The following TRPC4 variants were observed in gnomAD, a reference collection of about 807,000 sequenced individuals.
TRPC4 encodes the protein transient receptor potential cation channel subfamily C member 4.
TRPC4 carries 49 observed loss-of-function variants against 99.4 expected under a neutral mutation model. The observed-to-expected ratio is 0.49, with a 90% CI of 0.39 to 0.63. The LOEUF (loss-of-function observed/expected upper bound fraction) is 0.63, where lower values mean the gene tolerates loss of function less well. TRPC4 is among the 20% of genes least tolerant of loss of function. The pLI, the probability that TRPC4 is intolerant of heterozygous loss-of-function variation, is 0.00. For missense variants in TRPC4, 898 were observed against 1,152.9 expected (o/e 0.78, Z 3.20); for synonymous variants, 454 against 425.9 (o/e 1.07, Z -0.81).
chr13:37,652,936 C>T (rs1014712752), intron 7 of TRPC4, among the ~76,000 whole-genome samples: 4 of 152,084 alleles, frequency 2.6e-5, no homozygotes, highest in African/African-American at 7.2e-5. Context: ...AGATAAAAAG[C>T]TCTAAGCTGG....
At chr13:37,675,293 A>G (rs1953008009) in intron 4 of TRPC4, among the ~76,000 whole-genome samples, 1 of 152,142 alleles carries the variant, frequency 6.6e-6, no homozygotes, top group Non-Finnish European at 1.5e-5. Flanking sequence ...GAGACGAGAA[A>G]TCAAGGAATC....
intron 2 of TRPC4, among the ~76,000 whole-genome samples, chr13:37,779,549 C>T (rs1221228918): frequency 6.6e-6 from 1 of 151,864 alleles, no homozygotes; most frequent in East Asian, 1.9e-4. Context: ...TCATTACATG[C>T]TGCATTGAGA....
intron 1 of TRPC4, among the ~76,000 whole-genome samples, chr13:37,801,762 A>G (rs531785027): frequency 6.6e-6 from 1 of 151,826 alleles, no homozygotes; most frequent in East Asian, 1.9e-4. Context: ...CATCAATACT[A>G]AAGTAAGGAT....
chr13:37,753,139 A>G (rs542160287), intron 2 of TRPC4, among the ~76,000 whole-genome samples: 11 of 152,244 alleles, frequency 7.2e-5, no homozygotes, highest in African/African-American at 2.6e-4. Context: ...AGGTGTTTAT[A>G]TTTACACTGG....
intron 3 of TRPC4, among the ~76,000 whole-genome samples, chr13:37,721,629 T>C (rs1954872036): frequency 6.6e-6 from 1 of 152,180 alleles, no homozygotes; most frequent in Non-Finnish European, 1.5e-5. Context: ...AAACTAAATG[T>C]TCGAAGATTG....
At chr13:37,667,937 C>T (rs1448778510) in intron 5 of TRPC4, among the ~76,000 whole-genome samples, 1 of 152,154 alleles carries the variant, frequency 6.6e-6, no homozygotes, top group South Asian at 2.1e-4. Context: ...ATGAGTGTGC[C>T]TGCTCTGTGT....
chr13:37,763,469 A>T (rs564551416), intron 2 of TRPC4, among the ~76,000 whole-genome samples: 21 of 151,674 alleles, frequency 1.4e-4, no homozygotes, highest in African/African-American at 5.1e-4. Flanking sequence ...ATAGAAAAAA[A>T]ATGAATGAAT....
rs1356641510 is a variant in TRPC4 at position 37,692,797 on chromosome 13, A to C, written c.898-462T>G. 5.3e-5 allele frequency among the ~76,000 whole-genome samples: 8 copies of C among 152,318 alleles called. No homozygotes were observed. In the East Asian group the frequency reaches 1.5e-3, roughly 29 times the overall value. Reference sequence around the variant, plus strand: ...TGTACTTTTAACAATTTTCTATAATAGATATTTATTACTTTCATCATCAGG... The same window carrying C: ...TGTACTTTTAACAATTTTCTATAATCGATATTTATTACTTTCATCATCAGG... On this transcript the variant is annotated intron_variant, in intron 3 of 10. Coordinates refer to ENST00000379705, the MANE Select transcript of TRPC4 (RefSeq NM_016179.4).
intron 1 of TRPC4, among the ~76,000 whole-genome samples, chr13:37,862,076 G>A (rs1002782398): frequency 6.6e-6 from 1 of 151,366 alleles, no homozygotes. Context: ...GTAGACAGAG[G>A]AGCCCACAAG....
At chr13:37,655,809 A>G (rs1212628305) in intron 6 of TRPC4, among the ~76,000 whole-genome samples, 1 of 152,150 alleles carries the variant, frequency 6.6e-6, no homozygotes, top group Non-Finnish European at 1.5e-5. Flanking sequence ...AATATTTACT[A>G]TCTGCTCCTT....
chr13:37,638,767 A>G (rs1036839795), intron 10 of TRPC4, among the ~76,000 whole-genome samples: 1 of 152,218 alleles, frequency 6.6e-6, no homozygotes, highest in Admixed American at 6.5e-5. Context: ...GAAATTTCAG[A>G]AACAGAAGCT....
chr13:37,851,970 A>G (rs960715728), intron 1 of TRPC4, among the ~76,000 whole-genome samples: 3 of 152,206 alleles, frequency 2.0e-5, no homozygotes, highest in Non-Finnish European at 2.9e-5. Context: ...GGAATTGCCT[A>G]TCCCAGTGGT....
chr13:37,826,907 C>T (rs925905026), intron 1 of TRPC4, among the ~76,000 whole-genome samples: 1 of 152,152 alleles, frequency 6.6e-6, no homozygotes, highest in African/African-American at 2.4e-5. Flanking sequence ...CTTTCAGGTA[C>T]ACCAATCAGA....
intron 10 of TRPC4, 73 bp downstream of exon 10, chr13:37,638,967 G>A: frequency 1.3e-6 from 2 of 1,502,010 alleles, no homozygotes; most frequent in Non-Finnish European, 1.8e-6. Context: ...TTCCAGCTCT[G>A]ATTTTAAATG....
intron 3 of TRPC4, among the ~76,000 whole-genome samples, chr13:37,740,295 C>G (rs1955541527): frequency 6.6e-6 from 1 of 152,036 alleles, no homozygotes; most frequent in African/African-American, 2.4e-5. Context: ...CTCAGATATG[C>G]AGATATCAGG....
intron 2 of TRPC4, among the ~76,000 whole-genome samples, chr13:37,776,918 A>G (rs1399273496): frequency 6.6e-6 from 1 of 151,916 alleles, no homozygotes; most frequent in Non-Finnish European, 1.5e-5. Context: ...TCGACTAAGA[A>G]TCTTCTATAT....
At chr13:37,800,846 A>G (rs1566180789) in intron 1 of TRPC4, among the ~76,000 whole-genome samples, 1 of 151,948 alleles carries the variant, frequency 6.6e-6, no homozygotes. Flanking sequence ...ATTTTATTAT[A>G]GTAAATATTT....
chr13:37,803,017 A>G (rs994535194), intron 1 of TRPC4, among the ~76,000 whole-genome samples: 1 of 151,882 alleles, frequency 6.6e-6, no homozygotes, highest in Non-Finnish European at 1.5e-5. Context: ...ATGGACTTAT[A>G]TATATTTATT....
intron 2 of TRPC4, among the ~76,000 whole-genome samples, chr13:37,770,731 TTTTTAAAG>T (rs2139289594): frequency 6.6e-6 from 1 of 151,702 alleles, no homozygotes; most frequent in African/African-American, 2.4e-5. Flanking sequence ...CGAATACACA[TTTTTAAAG>T]TTTAAGCATT....
Sources: gnomAD v4.1 joint callset for allele counts (sites outside exome capture counted in the v4.1 genomes callset) on GRCh38, gnomAD v4.1.1 for gene constraint, MANE v1.5 for transcripts, NCBI Gene and HGNC (gene_info 2026-07-23, HGNC 2026-07-21) for gene names.